ROCK2: variants seen among roughly 807,000 people sequenced by gnomAD.
The protein encoded by ROCK2 is rho-associated protein kinase 2.
Under a neutral mutation model 195.1 loss-of-function variants are expected in ROCK2, and 61 were observed. That is an observed-to-expected ratio of 0.31 (90% CI 0.25 to 0.39). The LOEUF (loss-of-function observed/expected upper bound fraction) is 0.39. Ranked by LOEUF, ROCK2 falls within the 10% of genes least tolerant of loss-of-function variation. ROCK2 has a pLI of 1.00. For synonymous variants in ROCK2, 504 were observed against 545.5 expected (o/e 0.92, Z 1.06); for missense variants, 1,109 against 1,637.4 (o/e 0.68, Z 5.57).
At chr2:11,218,252 T>A (rs1034695954) in intron 11 of ROCK2, 6 of 391,538 alleles carry the variant, frequency 1.5e-5, no homozygotes, top group African/African-American at 1.0e-4. Flanking sequence ...CCTTGATAAA[T>A]AAAAACAAAA....
chr2:11,219,016 C>T lies in ROCK2; in HGVS notation c.1270G>A (p.Asp424Asn), dbSNP rs972787975. ...TYYRENLLLS[D>N]SPSCRETDSI... The stretch of plus-strand genomic sequence containing the variant: ...TCAGTTTCTCTACAAGATGGAGAGT[C>T]ACTTAATAATCTACATGGAAGGGGG... The change falls in exon 10 of 33, where the codon GAC (aspartate) becomes AAC (asparagine). Residue 424 changes from aspartate (D) to asparagine (N), a missense_variant. This residue lies in a region of ROCK2 where 542 missense variants were observed against 672.0 expected (regional missense o/e 0.81). Transcript: ENST00000315872. The T allele has an allele frequency of 1.4e-6, 2 of 1,466,882 alleles. No individual in the cohort carries two copies. Among genetic ancestry groups the T allele is most frequent in the Non-Finnish European group, 9.3e-7 (1 of 1,071,394 alleles). 90.9% of individuals were successfully genotyped at this position (1,466,882 alleles called of 1,614,324 possible). A position where few individuals can be genotyped will look rare whatever the true frequency, so the allele number is the denominator to read the frequency against.
Position 11,235,063 on chromosome 2 carries a change from G to A in ROCK2, c.723+639C>T, listed in dbSNP as rs1051311943. Among the ~76,000 whole-genome samples the A allele has an allele frequency of 5.9e-5, 9 of 152,080 alleles. No homozygotes were observed. Among genetic ancestry groups the A allele is most frequent in the Admixed American group, 3.3e-4 (5 of 15,270 alleles). On this transcript the variant is annotated intron_variant, in intron 5 of 32. Coordinates refer to ENST00000315872, the MANE Select transcript of ROCK2 (RefSeq NM_004850.5). The surrounding 1 kb of genome is among the most constrained non-coding windows in gnomAD (Gnocchi z 4.2). ...AGGGTAATACAAAGGAAACAGAACC[G>A]ATCCCTCTCCATCAAGAATTACTTA... is the stretch of plus-strand genomic sequence containing the variant.
intron 1 of ROCK2, among the ~76,000 whole-genome samples, chr2:11,307,484 T>C (rs947302721): frequency 6.6e-6 from 1 of 151,968 alleles, no homozygotes; most frequent in African/African-American, 2.4e-5. Context: ...CAGCTAATTT[T>C]TGTATTTTTG....
At chr2:11,266,633 A>G (rs1438710220) in intron 3 of ROCK2, among the ~76,000 whole-genome samples, 5 of 152,222 alleles carry the variant, frequency 3.3e-5, no homozygotes, top group South Asian at 2.1e-4. Flanking sequence ...CTACAAAAAC[A>G]TACTCATAAA....
intron 32 of ROCK2, among the ~76,000 whole-genome samples, chr2:11,186,142 C>G (rs1445841393): frequency 6.6e-6 from 1 of 152,296 alleles, no homozygotes; most frequent in East Asian, 1.9e-4. Context: ...GTGCTAAACA[C>G]AGCACAACAT....
chr2:11,265,201 A>G (rs1056006397), intron 3 of ROCK2, among the ~76,000 whole-genome samples: 2 of 151,596 alleles, frequency 1.3e-5, no homozygotes, highest in African/African-American at 2.4e-5. Flanking sequence ...TTATTACTAC[A>G]TTAAAAAACA....
intron 5 of ROCK2, among the ~76,000 whole-genome samples, chr2:11,230,844 C>T (rs59211791): frequency 0.022 from 3,369 of 151,932 alleles, 57 homozygotes; most frequent in East Asian, 0.053. Flanking sequence ...GAAATGCTTC[C>T]TATAAAGGTG....
intron 3 of ROCK2, among the ~76,000 whole-genome samples, chr2:11,271,386 A>G (rs1292223192): frequency 6.6e-6 from 1 of 152,184 alleles, no homozygotes; most frequent in Non-Finnish European, 1.5e-5. Context: ...CTTAGCCCCC[A>G]GCAATTTGTC....
intron 1 of ROCK2, among the ~76,000 whole-genome samples, chr2:11,327,230 G>A (rs1290170079): frequency 6.6e-6 from 1 of 152,174 alleles, no homozygotes; most frequent in African/African-American, 2.4e-5. Context: ...TGGAAAATGG[G>A]TTCCTGCCTG....
chr2:11,216,914 G>T (rs1301151228), intron 12 of ROCK2, among the ~76,000 whole-genome samples, 176 bp downstream of exon 12: 1 of 151,804 alleles, frequency 6.6e-6, no homozygotes, highest in African/African-American at 2.4e-5. Context: ...AGTAGAGACT[G>T]GGTTTCGCCA....
chr2:11,302,328 T>G lies in ROCK2; in HGVS notation c.142-14592A>C, dbSNP rs563797297. On this transcript the variant is annotated intron_variant, in intron 1 of 32. Transcript: ENST00000315872. ...GGGGTGTTTTTTTGTTGTTGTTTTT[T>G]TTTTCTTTTGAGACGGAGTCTCACT... is the stretch of plus-strand genomic sequence containing the variant. Among the ~76,000 whole-genome samples, 279 of 152,174 alleles carry G rather than the reference T, an allele frequency of 1.8e-3. 1 individual carries two copies. The highest frequency in any genetic ancestry group is 0.01 in the South Asian group (50 of 4,820).
In ROCK2 at chr2:11,181,461, G is replaced by C. The variant is rs1014104082; in HGVS notation, c.*1976C>G. ...AGACAGCACAGCAGAGTGCAGACTG[G>C]AGAACGTTAAGAATAACAAAACCAG... On this transcript the variant is annotated 3_prime_UTR_variant, in exon 33 of 33. Coordinates refer to ENST00000315872, the MANE Select transcript of ROCK2 (RefSeq NM_004850.5). The C allele has an allele frequency of 6.6e-6, 1 of 151,850 alleles. No individual in the cohort carries two copies. Among genetic ancestry groups the C allele is most frequent in the African/African-American group, 2.4e-5 (1 of 41,366 alleles). The allele number at this position is 151,850 out of a possible 1,614,324, so 9.4% of individuals were successfully genotyped here.
chr2:11,229,701 TAAAC>T (rs1177516070), intron 5 of ROCK2, among the ~76,000 whole-genome samples: 1 of 146,678 alleles, frequency 6.8e-6, no homozygotes, highest in Non-Finnish European at 1.5e-5. Flanking sequence ...AGAAACAAAA[TAAAC>T]TAAGTAACTA....
At position 11,239,566 on chromosome 2, in the gene ROCK2, A is replaced by G. The variant is rs554102077; in HGVS notation, c.463-3604T>C. Among the ~76,000 whole-genome samples, 3 of 152,352 alleles carry G rather than the reference A, an allele frequency of 2.0e-5. No individual in the cohort carries two copies. The South Asian group carries it at 6.2e-4, about 32-fold the overall frequency. ...GAAATATATCTGCCAAAGACTAATA[A>G]GCAAATATTCATATCGGCATTATTC... On this transcript the variant is annotated intron_variant, in intron 4 of 32. Coordinates refer to ENST00000315872, the MANE Select transcript of ROCK2 (RefSeq NM_004850.5).
intron 1 of ROCK2, among the ~76,000 whole-genome samples, chr2:11,309,703 G>C (rs1308442535): frequency 6.6e-6 from 1 of 152,158 alleles, no homozygotes; most frequent in Non-Finnish European, 1.5e-5. Flanking sequence ...ACATCAGCTG[G>C]ACTTGGTGGC....
intron 1 of ROCK2, among the ~76,000 whole-genome samples, chr2:11,330,756 A>AGGAGGAGGGAGGAGGAGGAG (rs1481421694): frequency 1.1e-5 from 1 of 87,546 alleles, no homozygotes; most frequent in Non-Finnish European, 2.4e-5. Flanking sequence ...AGGGAGGAGG[A>AGGAGGAGGGAGGAGGAGGAG]GGAGGGAGGA....
chr2:11,303,942 G>A (rs1194012135), intron 1 of ROCK2, among the ~76,000 whole-genome samples: 1 of 151,944 alleles, frequency 6.6e-6, no homozygotes, highest in Non-Finnish European at 1.5e-5. Context: ...GGACTGCCTT[G>A]CCCTATTATT....
At position 11,183,359 on chromosome 2, in the gene ROCK2, T is replaced by C. The variant is rs1173799261; in HGVS notation, c.*78A>G. The C allele has an allele frequency of 8.7e-7, 1 of 1,144,552 alleles. No homozygotes were observed. The highest frequency in any genetic ancestry group is 1.3e-6 in the Non-Finnish European group (1 of 781,228). 70.9% of individuals were successfully genotyped at this position (1,144,552 alleles called of 1,614,324 possible). On this transcript the variant is annotated 3_prime_UTR_variant, in exon 33 of 33. Transcript: ENST00000315872. Reference sequence around the variant, plus strand: ...GAAAATATAGCTTTTTAATAAATTTTGGGCCATCATATTTCAGTCTTGTTT... The same window carrying C: ...GAAAATATAGCTTTTTAATAAATTTCGGGCCATCATATTTCAGTCTTGTTT...
intron 1 of ROCK2, among the ~76,000 whole-genome samples, chr2:11,317,576 T>TATATA (rs1668236906): frequency 6.8e-5 from 2 of 29,584 alleles, no homozygotes; most frequent in Non-Finnish European, 1.1e-4. Context: ...ATCTACACAT[T>TATATA]TATATATATA....
Sources: gnomAD v4.1 joint callset for allele counts (sites outside exome capture counted in the v4.1 genomes callset) on GRCh38, gnomAD v4.1.1 for gene constraint, gnomAD v4.1.1 regional missense constraint, Gnocchi (gnomAD v3.1) non-coding constraint, MANE v1.5 for transcripts, NCBI Gene and HGNC (gene_info 2026-07-23, HGNC 2026-07-21) for gene names.